CD226: variants seen among roughly 807,000 people sequenced by gnomAD.
CD226 encodes the protein CD226 antigen.
In CD226, 24 loss-of-function variants were observed where a neutral mutation model predicts 34.9. That is an observed-to-expected ratio of 0.69 (90% CI 0.50 to 0.97). The LOEUF is 0.97. CD226 is among the 50% of genes least tolerant of loss of function. CD226 has a pLI of 0.00. For synonymous variants in CD226, 148 were observed against 147.4 expected (o/e 1.00, Z -0.03); for missense variants, 397 against 412.7 (o/e 0.96, Z 0.33).
chr18:69,933,065 T>TG (rs1463753688), intron 2 of CD226, among the ~76,000 whole-genome samples: 1 of 152,316 alleles, frequency 6.6e-6, no homozygotes, highest in South Asian at 2.1e-4. Context: ...GGCTGCACCG[T>TG]GGGGGCAGTG....
chr18:69,888,512 G>C (rs541345718), intron 3 of CD226, among the ~76,000 whole-genome samples: 2 of 143,012 alleles, frequency 1.4e-5, no homozygotes, highest in East Asian at 4.2e-4. Context: ...ACTAATTCTT[G>C]GGCTCAAGGA....
At chr18:69,875,258 C>A (rs1323579804) in intron 3 of CD226, among the ~76,000 whole-genome samples, 1 of 152,170 alleles carries the variant, frequency 6.6e-6, no homozygotes, top group Non-Finnish European at 1.5e-5. Flanking sequence ...CCTGCCTCAG[C>A]CTCCAAGTAG....
intron 2 of CD226, among the ~76,000 whole-genome samples, chr18:69,938,382 A>G (rs961637664): frequency 6.6e-6 from 1 of 152,110 alleles, no homozygotes; most frequent in African/African-American, 2.4e-5. Flanking sequence ...CCATCCTCCA[A>G]GCCACAAGCT....
At chr18:69,924,132 C>G (rs1396403695) in intron 2 of CD226, among the ~76,000 whole-genome samples, 1 of 151,736 alleles carries the variant, frequency 6.6e-6, no homozygotes, top group Non-Finnish European at 1.5e-5. Context: ...CATAGACCAC[C>G]GAGCCAACGT....
rs909119943 is a variant in CD226, at chr18:69,863,935, A to G, written c.*379T>C. The stretch of plus-strand genomic sequence containing the variant: ...TTGCCAACACAAGAGGAAAGCCTGC[A>G]TGAGAGTGAGGCCAAGACCAGGGAA... On this transcript the variant is annotated 3_prime_UTR_variant, in exon 6 of 6. Transcript: ENST00000582621. 6.3e-6 allele frequency: 1 copy of G among 158,208 alleles called. No individual in the cohort carries two copies. The highest frequency in any genetic ancestry group is 2.4e-5 in the African/African-American group (1 of 41,720). 9.8% of individuals were successfully genotyped at this position (158,208 alleles called of 1,614,324 possible). A position where few individuals can be genotyped will look rare whatever the true frequency, so the allele number is the denominator to read the frequency against.
Position 69,867,392 on chromosome 18 carries a change from TTC to T in CD226, c.848_849del (p.Arg283LysfsTer16). 3.2e-6 allele frequency: 5 copies of T among 1,579,082 alleles called. No individual in the cohort carries two copies. The highest frequency in any genetic ancestry group is 4.4e-6 in the Non-Finnish European group (5 of 1,148,362). ...IFLNRRRRRERRDLFTESWDT... is the reference protein window; with the variant it reads ...IFLNRRRRREXRDLFTESWDT... ...TCCCAGGACTCTGTAAATAGATCTC[TTC>T]TCTCTCTCCTTCTCCTTCTGGAATG... On this transcript the variant is annotated frameshift_variant, in exon 5 of 6. Transcript: ENST00000582621. LOFTEE classifies it low-confidence loss of function (END_TRUNC).
intron 2 of CD226, among the ~76,000 whole-genome samples, chr18:69,932,869 C>T (rs998768892): frequency 3.3e-5 from 5 of 152,314 alleles, no homozygotes; most frequent in Non-Finnish European, 5.9e-5. Flanking sequence ...CATCAAGTCA[C>T]ACAGAGCCTT....
chr18:69,952,151 T>G (rs1017089951), upstream of CD226, among the ~76,000 whole-genome samples: 1 of 152,192 alleles, frequency 6.6e-6, no homozygotes, highest in Non-Finnish European at 1.5e-5. Flanking sequence ...GAAGCCATTA[T>G]ATTAAATGAA....
intron 2 of CD226, among the ~76,000 whole-genome samples, chr18:69,933,342 C>T (rs925790229): frequency 3.9e-5 from 6 of 152,200 alleles, no homozygotes; most frequent in African/African-American, 1.4e-4. Context: ...TTTTCATGTG[C>T]CTCAAACACA....
chr18:69,914,539 C>T (rs965424464), intron 2 of CD226, among the ~76,000 whole-genome samples: 4 of 152,174 alleles, frequency 2.6e-5, no homozygotes, highest in African/African-American at 9.7e-5. Context: ...TGCTCCTTTA[C>T]AAAAGCATTT....
At chr18:69,894,909 C>A (rs1985176001) in intron 3 of CD226, among the ~76,000 whole-genome samples, 1 of 151,850 alleles carries the variant, frequency 6.6e-6, no homozygotes, top group African/African-American at 2.4e-5. Flanking sequence ...TCCTGAAACA[C>A]AATGAAAGGC....
intron 5 of CD226, among the ~76,000 whole-genome samples, chr18:69,866,927 G>GA (rs1983184739): frequency 6.6e-6 from 1 of 152,162 alleles, no homozygotes; most frequent in African/African-American, 2.4e-5. Flanking sequence ...CTAGAAGCTG[G>GA]ATAGAAGCAT....
intron 4 of CD226, 93 bp downstream of exon 4, chr18:69,873,051 T>C (rs775437599): frequency 1.4e-5 from 11 of 769,190 alleles, no homozygotes; most frequent in Non-Finnish European, 2.6e-5. Flanking sequence ...AAAATATATA[T>C]GTGAATGCTG....
intron 4 of CD226, among the ~76,000 whole-genome samples, chr18:69,869,724 G>A (rs565137612): frequency 6.6e-6 from 1 of 151,068 alleles, no homozygotes; most frequent in East Asian, 1.9e-4. Flanking sequence ...TATCACAATT[G>A]GATTTACGTT....
At chr18:69,876,452 C>T (rs1788097) in intron 3 of CD226, among the ~76,000 whole-genome samples, 84,177 of 152,018 alleles carry the variant, frequency 0.55, 24,643 homozygotes, top group African/African-American at 0.75. Context: ...ATTTGTAACC[C>T]GTTTTTAGTA....
intron 3 of CD226, among the ~76,000 whole-genome samples, chr18:69,883,643 T>A (rs2156247): frequency 0.68 from 102,961 of 152,146 alleles, 37,198 homozygotes; most frequent in Non-Finnish European, 0.81. Context: ...TAAGCTTTAC[T>A]AAACTTAGAA....
chr18:69,913,793 A>G (rs2055354449), intron 2 of CD226, among the ~76,000 whole-genome samples: 1 of 152,224 alleles, frequency 6.6e-6, no homozygotes, highest in Non-Finnish European at 1.5e-5. Flanking sequence ...CTAAGCCTGC[A>G]TATTATGGAG....
At chr18:69,938,024 T>C (rs2055676460) in intron 2 of CD226, among the ~76,000 whole-genome samples, 1 of 152,098 alleles carries the variant, frequency 6.6e-6, no homozygotes, top group Non-Finnish European at 1.5e-5. Context: ...AAGAGCCTTC[T>C]AAGAATGAGC....
chr18:69,861,660 G>A lies in CD226; in HGVS notation c.*2654C>T, dbSNP rs1982838697. The A allele has an allele frequency of 6.6e-6, 1 of 150,562 alleles. No homozygotes were observed. The highest frequency in any genetic ancestry group is 2.4e-5 in the African/African-American group (1 of 41,144). The allele number at this position is 150,562 out of a possible 1,614,324, so 9.3% of individuals were successfully genotyped here. ...AATAGAATTTACTGGAATTCTGATC[G>A]TTTATTCTGTGGATCTGTTTTTCAT... On this transcript the variant is annotated 3_prime_UTR_variant, in exon 6 of 6. Coordinates refer to ENST00000582621, the MANE Select transcript of CD226 (RefSeq NM_001303618.2).
Sources: allele counts gnomAD v4.1 joint callset (sites outside exome capture counted in the v4.1 genomes callset), GRCh38; gene constraint gnomAD v4.1.1; transcripts MANE v1.5; gene names NCBI Gene and HGNC (gene_info 2026-07-23, HGNC 2026-07-21).